The following JAKMIP3 variants were observed in gnomAD, a reference collection of about 807,000 sequenced individuals.
The protein encoded by JAKMIP3 is janus kinase and microtubule-interacting protein 3.
In JAKMIP3, 58 loss-of-function variants were observed where a neutral mutation model predicts 118.5. That is an observed-to-expected ratio of 0.49 (90% confidence interval 0.40 to 0.61). The LOEUF (loss-of-function observed/expected upper bound fraction) is 0.61, where lower values mean the gene tolerates loss of function less well. Ranked by LOEUF, JAKMIP3 falls within the 20% of genes least tolerant of loss-of-function variation. The probability of loss-of-function intolerance (pLI) is 0.00; values close to 1 mark genes in which losing one functional copy is unlikely to be tolerated. For synonymous variants in JAKMIP3, 486 were observed against 451.2 expected, an observed-to-expected ratio of 1.08 and a Z score of -0.98; for missense variants, 950 against 1,109.0, an observed-to-expected ratio of 0.86 and a Z score of 2.04.
rs1260088786 is a variant in JAKMIP3, at chr10:132,182,841, A to AATC, written c.*1590_*1592dup. The AATC allele has an allele frequency of 2.0e-5, 3 of 152,176 alleles. No individual in the cohort carries two copies. The highest frequency in any genetic ancestry group is 7.2e-5 in the African/African-American group (3 of 41,440). 9.4% of individuals were successfully genotyped at this position (152,176 alleles called of 1,614,324 possible). Reference sequence around the variant, plus strand: ...GACCAGGCATGGCTCCCTAGGTTGAAATCAGGGAAAAGCTAATAGTATCAG... The same window carrying AATC: ...GACCAGGCATGGCTCCCTAGGTTGAAATCATCAGGGAAAAGCTAATAGTATCAG... On this transcript the variant is annotated 3_prime_UTR_variant, in exon 24 of 24. Coordinates refer to ENST00000684848, the MANE Select transcript of JAKMIP3 (RefSeq NM_001323087.2).
intron 3 of JAKMIP3, among the ~76,000 whole-genome samples, chr10:132,131,925 G>C (rs960436527): frequency 6.6e-6 from 1 of 152,170 alleles, no homozygotes; most frequent in Non-Finnish European, 1.5e-5. Flanking sequence ...ATCCTGCCCT[G>C]CCTGCTGCTG....
At chr10:132,098,991 A>G (rs1464877948) in intron 1 of JAKMIP3, among the ~76,000 whole-genome samples, 2 of 152,232 alleles carry the variant, frequency 1.3e-5, no homozygotes, top group African/African-American at 4.8e-5. Context: ...AATGCAAGTC[A>G]AATGTTTACA....
chr10:132,167,808 CCCCTCACCCCTCGGCCCTCACCCCTCGG>C, intron 22 of JAKMIP3, 117 bp from the exon 23 acceptor site: 2 of 432,262 alleles, frequency 4.6e-6, no homozygotes, highest in South Asian at 1.9e-5. Flanking sequence ...TCGGTCCTCA[CCCCTCACCCCTCGGCCCTCACCCCTCGG>C]CCCTCGCCCC....
chr10:132,149,198 G>A (rs1039556891), intron 14 of JAKMIP3, among the ~76,000 whole-genome samples: 1 of 152,118 alleles, frequency 6.6e-6, no homozygotes, highest in East Asian at 1.9e-4. Flanking sequence ...CGGCACATCT[G>A]GGGTCAGCGA....
At chr10:132,107,537 T>C (rs1422901819) in intron 2 of JAKMIP3, among the ~76,000 whole-genome samples, 5 of 152,202 alleles carry the variant, frequency 3.3e-5, no homozygotes, top group African/African-American at 1.2e-4. Context: ...AGAAGAAGCC[T>C]GTTTGCCTCA....
In JAKMIP3 at chr10:132,133,327, T is replaced by G. The variant is rs546411210; in HGVS notation, c.649T>G (p.Phe217Val). 1 of 1,590,098 alleles carries G rather than the reference T, an allele frequency of 6.3e-7. No individual in the cohort carries two copies. Among genetic ancestry groups the G allele is most frequent in the Middle Eastern group, 1.7e-4 (1 of 6,040 alleles). Residue 217 changes from phenylalanine (F) to valine (V), a missense_variant, in exon 4 of 24, where the codon TTT becomes GTT. Phe to Val is a conservative substitution (Grantham distance 50). Coordinates refer to ENST00000684848, the MANE Select transcript of JAKMIP3 (RefSeq NM_001323087.2). ...CTCCTTGTAGATGGAGGAGATAAAATTTAAAGACAGAGCAGTCTTCGTGCT... is the reference window on the plus strand; with the variant it reads ...CTCCTTGTAGATGGAGGAGATAAAAGTTAAAGACAGAGCAGTCTTCGTGCT... ...EIRRLMEEIK[F>V]KDRAVFVLER...
Position 132,168,603 on chromosome 10 carries a change from G to A in JAKMIP3, c.*673G>A, listed in dbSNP as rs954000827. ...GACAGACAAGAGCCGTGGCCGCCGCGGGCCGCGTGGTGCCATCAACCCTCT... is the reference window on the plus strand; with the variant it reads ...GACAGACAAGAGCCGTGGCCGCCGCAGGCCGCGTGGTGCCATCAACCCTCT... On this transcript the variant is annotated 3_prime_UTR_variant, in exon 23 of 24. Coordinates refer to ENST00000684848, the MANE Select transcript of JAKMIP3 (RefSeq NM_001323087.2). 1.7e-5 allele frequency: 6 copies of A among 356,514 alleles called. No homozygotes were observed. The highest frequency in any genetic ancestry group is 2.2e-5 in the African/African-American group (1 of 46,418). The allele number at this position is 356,514 out of a possible 1,614,324, so 22.1% of individuals were successfully genotyped here.
chr10:132,161,009 CACTGTGTGATGCTGGGGGGGCCTCTT>C (rs2058150314), intron 19 of JAKMIP3, among the ~76,000 whole-genome samples: 2 of 30,842 alleles, frequency 6.5e-5, no homozygotes, highest in South Asian at 2.0e-3. Context: ...GGGGGCCTCT[CACTGTGTGATGCTGGGGGGGCCTCTT>C]CCTGTGTGAT....
At chr10:132,156,160 C>A (rs574358118) in intron 19 of JAKMIP3, among the ~76,000 whole-genome samples, 5 of 152,206 alleles carry the variant, frequency 3.3e-5, no homozygotes, top group Admixed American at 1.3e-4. Context: ...ACTGGAGAGA[C>A]CTTCTTGCTG....
rs1196944711 is a variant in JAKMIP3, at chr10:132,100,939, TGGG to T, written c.-137-3730_-137-3728del. Reference sequence around the variant, plus strand: ...AGCTGGGTGCCTGAGCCTTGCCACTTGGGGGAGATTCACACCATCCCTGCTCGT... The same window carrying T: ...AGCTGGGTGCCTGAGCCTTGCCACTTGGAGATTCACACCATCCCTGCTCGT... On this transcript the variant is annotated intron_variant, in intron 1 of 23. Coordinates refer to ENST00000684848, the MANE Select transcript of JAKMIP3 (RefSeq NM_001323087.2). 5.3e-5 allele frequency among the ~76,000 whole-genome samples: 8 copies of T among 152,246 alleles called. No individual in the cohort carries two copies. In the South Asian group the frequency reaches 1.7e-3, roughly 32 times the overall value.
At chr10:132,139,430 TTGTG>T (rs921283611) in intron 9 of JAKMIP3, among the ~76,000 whole-genome samples, 12 of 131,744 alleles carry the variant, frequency 9.1e-5, no homozygotes, top group African/African-American at 1.9e-4. Flanking sequence ...GTGTGTGTGT[TTGTG>T]TGTACATGTG....
chr10:132,174,359 G>A (rs2059949640), intron 23 of JAKMIP3, among the ~76,000 whole-genome samples: 1 of 152,120 alleles, frequency 6.6e-6, no homozygotes, highest in African/African-American at 2.4e-5. Context: ...CCCACATAAG[G>A]TTCCTTGTGC....
intron 23 of JAKMIP3, among the ~76,000 whole-genome samples, chr10:132,172,129 T>C (rs991393355): frequency 3.9e-5 from 6 of 152,186 alleles, no homozygotes; most frequent in Non-Finnish European, 7.4e-5. Flanking sequence ...TTTTAGTTCT[T>C]CCTCGTCACT....
chr10:132,137,250 C>T lies in JAKMIP3; in HGVS notation c.1249-4C>T. ...TTCCGTAACATGCTGTCTTCCTTTCCTAGACCCTTGAGACCGCCGGCTACG... is the reference window on the plus strand; with the variant it reads ...TTCCGTAACATGCTGTCTTCCTTTCTTAGACCCTTGAGACCGCCGGCTACG... On this transcript the variant is annotated splice_region_variant and splice_polypyrimidine_tract_variant and intron_variant, in intron 7 of 23. Coordinates refer to ENST00000684848, the MANE Select transcript of JAKMIP3 (RefSeq NM_001323087.2). 6.2e-7 allele frequency: 1 copy of T among 1,613,960 alleles called. No individual in the cohort carries two copies. Among genetic ancestry groups the T allele is most frequent in the African/African-American group, 1.3e-5 (1 of 75,054 alleles).
intron 19 of JAKMIP3, among the ~76,000 whole-genome samples, chr10:132,158,184 G>C (rs1440260612): frequency 6.6e-6 from 1 of 150,616 alleles, no homozygotes; most frequent in African/African-American, 2.4e-5. Flanking sequence ...GATTGTGTCT[G>C]GAGTGATGCC....
chr10:132,151,717 G>C (rs574278837), intron 16 of JAKMIP3, among the ~76,000 whole-genome samples: 14 of 152,158 alleles, frequency 9.2e-5, no homozygotes, highest in African/African-American at 2.9e-4. Context: ...CTATTTCAGG[G>C]TTCCTGCCCA....
chr10:132,145,605 C>G, intron 13 of JAKMIP3, 25 bp downstream of exon 13: 2 of 1,549,618 alleles, frequency 1.3e-6, no homozygotes, highest in Non-Finnish European at 1.7e-6. Flanking sequence ...CCTGGAGGCC[C>G]TGGCAGGACT....
At chr10:132,156,824 C>T (rs1302124173) in intron 19 of JAKMIP3, among the ~76,000 whole-genome samples, 2 of 152,068 alleles carry the variant, frequency 1.3e-5, no homozygotes, top group East Asian at 3.9e-4. Flanking sequence ...ATCCAGCCCA[C>T]CTTGAGACAG....
chr10:132,121,907 G>A (rs1175945224), intron 3 of JAKMIP3, among the ~76,000 whole-genome samples: 1 of 152,166 alleles, frequency 6.6e-6, no homozygotes, highest in Non-Finnish European at 1.5e-5. Context: ...GGGAGGGTCT[G>A]AGGGAGTCCT....
Sources: gnomAD v4.1 joint callset for allele counts (sites outside exome capture counted in the v4.1 genomes callset) on GRCh38, gnomAD v4.1.1 for gene constraint, MANE v1.5 for transcripts, NCBI Gene and HGNC (gene_info 2026-07-23, HGNC 2026-07-21) for gene names.